The following GRIA4 variants were observed in gnomAD, a reference collection of about 807,000 sequenced individuals.
The protein encoded by GRIA4 is glutamate ionotropic receptor AMPA type subunit 4.
A neutral mutation model predicts 104.0 loss-of-function variants in GRIA4; 34 were observed. That is an observed-to-expected ratio of 0.33 (90% CI 0.25 to 0.44). GRIA4 has a LOEUF of 0.44. Among genes scored for constraint, GRIA4 ranks in the 20% least tolerant of loss-of-function variants. The probability of loss-of-function intolerance (pLI) is 1.00; values close to 1 mark genes in which losing one functional copy is unlikely to be tolerated. For synonymous variants in GRIA4, 386 were observed against 381.9 expected, an observed-to-expected ratio of 1.01 and a Z score of -0.13; for missense variants, 750 against 1,096.5, an observed-to-expected ratio of 0.68 and a Z score of 4.46.
At chr11:105,785,090 C>T (rs1266902320) in intron 4 of GRIA4, among the ~76,000 whole-genome samples, 1 of 152,182 alleles carries the variant, frequency 6.6e-6, no homozygotes, top group African/African-American at 2.4e-5. Context: ...CCAAAACACA[C>T]TTGTGCCGGA....
intron 4 of GRIA4, among the ~76,000 whole-genome samples, chr11:105,861,222 G>A (rs1591363039): frequency 6.6e-6 from 1 of 151,990 alleles, no homozygotes; most frequent in East Asian, 1.9e-4. Context: ...AGTCTTGCAC[G>A]CTCCTTCTCA....
intron 16 of GRIA4, among the ~76,000 whole-genome samples, chr11:105,978,615 T>G (rs533461411): frequency 4.6e-5 from 7 of 152,232 alleles, no homozygotes; most frequent in African/African-American, 1.7e-4. Flanking sequence ...GGATGGAATT[T>G]CCTAAAGATT....
At chr11:105,881,623 G>C (rs925289552) in intron 5 of GRIA4, among the ~76,000 whole-genome samples, 47 of 151,768 alleles carry the variant, frequency 3.1e-4, no homozygotes, top group African/African-American at 1.1e-3. Context: ...TTCTCTCTCC[G>C]TCCTCCAAAA....
rs1031686656 is a variant in GRIA4 at position 105,939,128 on chromosome 11, G to T, written c.2294+5159G>T. Reference sequence around the variant, plus strand: ...GTTAAAAAAAATGCTAAAATGATTTGCCCTCAATCTTTTGACAGTTCATTC... The same window carrying T: ...GTTAAAAAAAATGCTAAAATGATTTTCCCTCAATCTTTTGACAGTTCATTC... On this transcript the variant is annotated intron_variant, in intron 14 of 16. Coordinates refer to ENST00000282499, the MANE Select transcript of GRIA4 (RefSeq NM_000829.4). Among the ~76,000 whole-genome samples, 21 of 152,112 alleles carry T rather than the reference G, an allele frequency of 1.4e-4. 1 individual carries two copies. The highest frequency in any genetic ancestry group is 3.6e-4 in the African/African-American group (15 of 41,504).
At chr11:105,930,657 A>C (rs913512910) in intron 13 of GRIA4, among the ~76,000 whole-genome samples, 2 of 152,162 alleles carry the variant, frequency 1.3e-5, no homozygotes, top group African/African-American at 4.8e-5. Flanking sequence ...ATCTCTATAA[A>C]TACCAAACCC....
intron 4 of GRIA4, among the ~76,000 whole-genome samples, chr11:105,768,843 T>A (rs1290205625): frequency 6.6e-6 from 1 of 152,076 alleles, no homozygotes; most frequent in Admixed American, 6.6e-5. Context: ...ATGTTAAGCA[T>A]ACTAAGTAAG....
chr11:105,699,824 C>G (rs1953420163), intron 3 of GRIA4, among the ~76,000 whole-genome samples: 2 of 152,078 alleles, frequency 1.3e-5, no homozygotes, highest in African/African-American at 4.8e-5. Context: ...TTTATCCAAC[C>G]ACTACCCACA....
intron 4 of GRIA4, among the ~76,000 whole-genome samples, chr11:105,845,449 G>A (rs1452744694): frequency 6.6e-6 from 1 of 152,180 alleles, no homozygotes; most frequent in Non-Finnish European, 1.5e-5. Flanking sequence ...GACCCCTGCA[G>A]TTCAGTGGGA....
At chr11:105,945,792 C>G (rs1226743450) in intron 14 of GRIA4, among the ~76,000 whole-genome samples, 2 of 152,158 alleles carry the variant, frequency 1.3e-5, no homozygotes, top group Non-Finnish European at 1.5e-5. Context: ...GGCTTAGATA[C>G]TTGCATAGGC....
intron 11 of GRIA4, among the ~76,000 whole-genome samples, chr11:105,923,047 T>A (rs1591449351): frequency 6.6e-6 from 1 of 152,020 alleles, no homozygotes; most frequent in East Asian, 1.9e-4. Flanking sequence ...GACTAAAACG[T>A]GCCTTCCCCA....
chr11:105,765,840 A>T (rs1182473183), intron 4 of GRIA4, among the ~76,000 whole-genome samples: 1 of 152,186 alleles, frequency 6.6e-6, no homozygotes, highest in East Asian at 1.9e-4. Context: ...AACTTGGAGG[A>T]GCTTGCCAAC....
At chr11:105,683,913 T>C (rs1279555149) in intron 3 of GRIA4, among the ~76,000 whole-genome samples, 1 of 152,082 alleles carries the variant, frequency 6.6e-6, no homozygotes, top group Non-Finnish European at 1.5e-5. Flanking sequence ...TCTCTCTCTG[T>C]CGCCAGGCTG....
At chr11:105,922,886 C>A (rs1807172420) in intron 11 of GRIA4, among the ~76,000 whole-genome samples, 1 of 152,002 alleles carries the variant, frequency 6.6e-6, no homozygotes, top group Non-Finnish European at 1.5e-5. Context: ...ACTTATGTAA[C>A]AAAAACTATA....
chr11:105,878,960 G>A (rs1261165019), intron 5 of GRIA4, among the ~76,000 whole-genome samples: 1 of 152,196 alleles, frequency 6.6e-6, no homozygotes, highest in Non-Finnish European at 1.5e-5. Flanking sequence ...CCTGCAACTA[G>A]CTCAGTGTCT....
chr11:105,773,085 T>C (rs146635164), intron 4 of GRIA4, among the ~76,000 whole-genome samples: 13 of 152,258 alleles, frequency 8.5e-5, no homozygotes, highest in African/African-American at 2.6e-4. Context: ...TGCTAAATAG[T>C]GTCAATTTCC....
In GRIA4 at chr11:105,869,288, G is replaced by GT. The variant is rs535027037; in HGVS notation, c.672+7084dup. Among the ~76,000 whole-genome samples, 274 of 152,224 alleles carry GT rather than the reference G, an allele frequency of 1.8e-3. 1 individual carries two copies. Among genetic ancestry groups the GT allele is most frequent in the African/African-American group, 6.4e-3 (267 of 41,564 alleles). On this transcript the variant is annotated intron_variant, in intron 5 of 16. Transcript: ENST00000282499. Reference sequence around the variant, plus strand: ...GATTAGGTTAGGTTCAACTAAATATGTTTTAGTTGATGCTGCAAGAACACT... The same window carrying GT: ...GATTAGGTTAGGTTCAACTAAATATGTTTTTAGTTGATGCTGCAAGAACACT...
At chr11:105,775,927 A>G (rs1941429095) in intron 4 of GRIA4, among the ~76,000 whole-genome samples, 1 of 151,962 alleles carries the variant, frequency 6.6e-6, no homozygotes, top group African/African-American at 2.4e-5. Context: ...TCCATTTGTT[A>G]GAATTTTGTT....
intron 4 of GRIA4, among the ~76,000 whole-genome samples, chr11:105,758,315 C>G (rs1409168678): frequency 1.3e-5 from 2 of 151,996 alleles, no homozygotes; most frequent in Non-Finnish European, 2.9e-5. Context: ...GTTAGTCAAC[C>G]ACGTTCAAGG....
intron 5 of GRIA4, among the ~76,000 whole-genome samples, chr11:105,877,886 C>G (rs1945892754): frequency 6.6e-6 from 1 of 152,106 alleles, no homozygotes; most frequent in Non-Finnish European, 1.5e-5. Flanking sequence ...TTTGTTATTA[C>G]CCACCTTCTG....
Sources: gnomAD v4.1 joint callset for allele counts (sites outside exome capture counted in the v4.1 genomes callset) on GRCh38, gnomAD v4.1.1 for gene constraint, MANE v1.5 for transcripts, NCBI Gene and HGNC (gene_info 2026-07-23, HGNC 2026-07-21) for gene names.